CPNE4: variants seen among roughly 807,000 people sequenced by gnomAD.
CPNE4 encodes the protein copine-4.
Under a neutral mutation model 67.9 loss-of-function variants are expected in CPNE4, and 25 were observed. The ratio of observed to expected loss-of-function variants is 0.37; its 90% CI spans 0.27 to 0.51. The LOEUF (loss-of-function observed/expected upper bound fraction) is 0.51, where lower values mean the gene tolerates loss of function less well. Ranked by LOEUF, CPNE4 falls within the 20% of genes least tolerant of loss-of-function variation. CPNE4 has a pLI of 0.93. For synonymous variants in CPNE4, 242 were observed against 244.9 expected (o/e 0.99, Z 0.11); for missense variants, 464 against 690.8 (o/e 0.67, Z 3.68).
At chr3:131,687,828 G>T (rs1387153461) in intron 5 of CPNE4, among the ~76,000 whole-genome samples, 1 of 152,138 alleles carries the variant, frequency 6.6e-6, no homozygotes, top group African/African-American at 2.4e-5. Flanking sequence ...ATAACCTAGG[G>T]CTAGGTATAA....
At chr3:132,024,042 T>C (rs1428483670) in intron 1 of CPNE4, among the ~76,000 whole-genome samples, 9 of 105,876 alleles carry the variant, frequency 8.5e-5, no homozygotes, top group Non-Finnish European at 1.3e-4. Flanking sequence ...TATTGATAGA[T>C]TTAATACACG....
chr3:131,663,319 G>A (rs1301844222), intron 7 of CPNE4, among the ~76,000 whole-genome samples: 2 of 151,578 alleles, frequency 1.3e-5, no homozygotes, highest in African/African-American at 4.8e-5. Context: ...CAGGGGGTGG[G>A]AGGCAAGGGG....
At chr3:131,649,090 T>C (rs931033059) in intron 7 of CPNE4, among the ~76,000 whole-genome samples, 1 of 152,198 alleles carries the variant, frequency 6.6e-6, no homozygotes, top group African/African-American at 2.4e-5. Context: ...CAAATAGCTG[T>C]GCCCAGGTGA....
At chr3:131,655,246 C>T (rs2079922640) in intron 7 of CPNE4, among the ~76,000 whole-genome samples, 1 of 152,184 alleles carries the variant, frequency 6.6e-6, no homozygotes, top group Admixed American at 6.5e-5. Context: ...CCACCCTAGA[C>T]CTACTGAATC....
intron 1 of CPNE4, among the ~76,000 whole-genome samples, chr3:131,964,483 T>C (rs2107929637): frequency 6.6e-6 from 1 of 151,876 alleles, no homozygotes; most frequent in Non-Finnish European, 1.5e-5. Context: ...TGATAAAAGG[T>C]TACAGGAACT....
chr3:131,848,803 C>T (rs968832242), intron 2 of CPNE4, among the ~76,000 whole-genome samples: 8 of 151,742 alleles, frequency 5.3e-5, no homozygotes, highest in African/African-American at 1.9e-4. Flanking sequence ...GCGTCAATTG[C>T]TTCTAAAATA....
At chr3:131,547,225 AAGG>A (rs1327412357) in intron 14 of CPNE4, among the ~76,000 whole-genome samples, 1 of 151,896 alleles carries the variant, frequency 6.6e-6, no homozygotes, top group African/African-American at 2.4e-5. Flanking sequence ...GAGGCTAAAG[AAGG>A]AGGATTGTTT....
intron 1 of CPNE4, among the ~76,000 whole-genome samples, chr3:131,932,951 G>A (rs2071114469): frequency 6.6e-6 from 1 of 152,262 alleles, no homozygotes; most frequent in East Asian, 1.9e-4. Context: ...AACCTGGGAG[G>A]TGAATGTTGC....
chr3:132,006,815 G>T (rs527524476), intron 1 of CPNE4, among the ~76,000 whole-genome samples: 2 of 152,016 alleles, frequency 1.3e-5, no homozygotes, highest in African/African-American at 4.8e-5. Context: ...TGTGGAGCAG[G>T]ATTTGTTATT....
chr3:131,929,779 T>G (rs565142270), intron 1 of CPNE4, among the ~76,000 whole-genome samples: 1 of 152,032 alleles, frequency 6.6e-6, no homozygotes, highest in Non-Finnish European at 1.5e-5. Flanking sequence ...CTGTCAGGGG[T>G]TTTTAATCTT....
chr3:131,556,339 G>T (rs748054497), intron 11 of CPNE4, among the ~76,000 whole-genome samples: 1 of 152,066 alleles, frequency 6.6e-6, no homozygotes, highest in Non-Finnish European at 1.5e-5. Context: ...ATGCACCATT[G>T]CACTCCAGCC....
chr3:131,662,348 GAT>G (rs2080147510), intron 7 of CPNE4, among the ~76,000 whole-genome samples: 1 of 152,126 alleles, frequency 6.6e-6, no homozygotes, highest in Admixed American at 6.6e-5. Flanking sequence ...AAATAAGAAA[GAT>G]ATGAATAGTT....
At chr3:131,977,705 G>C (rs548528662) in intron 1 of CPNE4, among the ~76,000 whole-genome samples, 2 of 151,872 alleles carry the variant, frequency 1.3e-5, no homozygotes, top group East Asian at 3.9e-4. Flanking sequence ...TTTTTCATAA[G>C]TTACAGGGGT....
rs1935030806 is a variant in CPNE4, at chr3:131,534,466, G to A, written c.*729C>T. 1 of 152,178 alleles carries A rather than the reference G, an allele frequency of 6.6e-6. No homozygotes were observed. Among genetic ancestry groups the A allele is most frequent in the Non-Finnish European group, 1.5e-5 (1 of 68,034 alleles). 9.4% of individuals were successfully genotyped at this position (152,178 alleles called of 1,614,324 possible). ...TTGGTATAGTCCAGGGACTGCATTA[G>A]CATCACCTGGGACCTAGTTAAAGAT... On this transcript the variant is annotated 3_prime_UTR_variant, in exon 16 of 16. Coordinates refer to ENST00000429747, the MANE Select transcript of CPNE4 (RefSeq NM_130808.3).
At chr3:131,939,103 T>TG (rs2071310097) in intron 1 of CPNE4, among the ~76,000 whole-genome samples, 1 of 152,150 alleles carries the variant, frequency 6.6e-6, no homozygotes, top group African/African-American at 2.4e-5. Flanking sequence ...TGTAAACGCA[T>TG]ATACCCTTTG....
intron 7 of CPNE4, among the ~76,000 whole-genome samples, chr3:131,655,388 T>C (rs986121437): frequency 2.0e-5 from 3 of 152,214 alleles, no homozygotes; most frequent in African/African-American, 7.2e-5. Context: ...TGTGGTTCGT[T>C]ACATCATATG....
At chr3:132,001,378 G>A (rs765768594) in intron 1 of CPNE4, among the ~76,000 whole-genome samples, 15 of 151,888 alleles carry the variant, frequency 9.9e-5, no homozygotes, top group African/African-American at 1.4e-4. Context: ...CAGGAAGGTT[G>A]CTGTTTCAAT....
Position 131,816,972 on chromosome 3 carries a change from A to G in CPNE4, c.180+88292T>C, listed in dbSNP as rs182113566. On this transcript the variant is annotated intron_variant, in intron 2 of 15. Coordinates refer to ENST00000429747, the MANE Select transcript of CPNE4 (RefSeq NM_130808.3). Reference sequence around the variant, plus strand: ...TGTTTTGACAAATGTGTATACTTGTATAGCTACCATCAAAATTAAGACATA... The same window carrying G: ...TGTTTTGACAAATGTGTATACTTGTGTAGCTACCATCAAAATTAAGACATA... Among the ~76,000 whole-genome samples, 145 of 152,352 alleles carry G rather than the reference A, an allele frequency of 9.5e-4. 1 individual carries two copies. The highest frequency in any genetic ancestry group is 2.5e-4 in the Non-Finnish European group (17 of 68,034).
intron 2 of CPNE4, among the ~76,000 whole-genome samples, chr3:131,882,926 C>CT (rs2087736951): frequency 2.6e-5 from 4 of 152,000 alleles, no homozygotes; most frequent in African/African-American, 9.7e-5. Flanking sequence ...ACCATGTTAG[C>CT]CAGGATGGTC....
Sources: allele counts gnomAD v4.1 joint callset (sites outside exome capture counted in the v4.1 genomes callset), GRCh38; gene constraint gnomAD v4.1.1; transcripts MANE v1.5; gene names NCBI Gene and HGNC (gene_info 2026-07-23, HGNC 2026-07-21).